ZNF322: variants seen among roughly 807,000 people sequenced by gnomAD.
The protein encoded by ZNF322 is zinc finger protein 322.
In ZNF322, 1 loss-of-function variant was observed where a neutral mutation model predicts 18.3. That is an observed-to-expected ratio of 0.05 (90% CI 0.02 to 0.26). The LOEUF is 0.26. ZNF322 is among the 10% of genes least tolerant of loss of function. ZNF322 has a pLI of 1.00. For synonymous variants in ZNF322, 17 were observed against 130.7 expected (o/e 0.13, Z 5.93); for missense variants, 36 against 403.6 (o/e 0.09, Z 7.80).
intron 2 of ZNF322, among the ~76,000 whole-genome samples, chr6:26,654,479 T>A (rs1765729752): frequency 1.3e-5 from 2 of 152,060 alleles, no homozygotes; most frequent in Admixed American, 1.3e-4. Context: ...CATCCTGATG[T>A]GTCAGAAAGT....
At chr6:26,647,850 A>T (rs1765583564) in intron 2 of ZNF322, among the ~76,000 whole-genome samples, 1 of 151,488 alleles carries the variant, frequency 6.6e-6, no homozygotes, top group Non-Finnish European at 1.5e-5. Flanking sequence ...TGAAGAGAGC[A>T]TAAAAAAATT....
At position 26,657,165 on chromosome 6, in the gene ZNF322, G is replaced by GT. The variant is rs782637256; in HGVS notation, c.-246+1392dup. Among the ~76,000 whole-genome samples, 388 of 151,976 alleles carry GT rather than the reference G, an allele frequency of 2.6e-3. 16 individuals are homozygous for GT. The highest frequency in any genetic ancestry group is 1.4e-3 in the Admixed American group (21 of 15,264). On this transcript the variant is annotated intron_variant, in intron 2 of 3. Transcript: ENST00000415922. ...CTTGGAAGGCTGAGGCAGAAGAATG[G>GT]TGTGAACCTGGGAGGCAGAGCTTGC...
intron 2 of ZNF322, among the ~76,000 whole-genome samples, chr6:26,653,393 T>C (rs1213200522): frequency 1.3e-5 from 2 of 152,160 alleles, no homozygotes; most frequent in Non-Finnish European, 2.9e-5. Flanking sequence ...AAGATTCACC[T>C]CCAATAACAT....
At chr6:26,639,476 G>A (rs553499933) in intron 3 of ZNF322, among the ~76,000 whole-genome samples, 141 of 152,146 alleles carry the variant, frequency 9.3e-4, no homozygotes, top group African/African-American at 3.2e-3. Context: ...TTTACATGGT[G>A]AAAAGTTGTA....
chr6:26,640,517 T>A (rs1765448046), intron 3 of ZNF322, among the ~76,000 whole-genome samples: 1 of 152,168 alleles, frequency 6.6e-6, no homozygotes, highest in African/African-American at 2.4e-5. Context: ...CTCATTCACA[T>A]CTTTGCTCAA....
At chr6:26,653,959 A>G (rs1765718266) in intron 2 of ZNF322, among the ~76,000 whole-genome samples, 1 of 152,056 alleles carries the variant, frequency 6.6e-6, no homozygotes, top group Non-Finnish European at 1.5e-5. Flanking sequence ...TACACAGAAG[A>G]GAAAAAAAAA....
chr6:26,655,676 C>T (rs1001707126), intron 2 of ZNF322, among the ~76,000 whole-genome samples: 2 of 152,116 alleles, frequency 1.3e-5, no homozygotes, highest in Non-Finnish European at 2.9e-5. Flanking sequence ...TCAATGATGT[C>T]GGGAAACAGA....
chr6:26,657,350 C>T lies in ZNF322; in HGVS notation c.-246+1208G>A, dbSNP rs187388994. Among the ~76,000 whole-genome samples the T allele has an allele frequency of 2.0e-3, 301 of 152,250 alleles. 1 individual carries two copies. The highest frequency in any genetic ancestry group is 2.1e-3 in the Non-Finnish European group (143 of 68,018). ...GTTTTTACTGCTCTACATAATGTGG[C>T]ACCTCTGCGTTATCTTCAGCCTCAC... On this transcript the variant is annotated intron_variant, in intron 2 of 3. Coordinates refer to ENST00000415922, the MANE Select transcript of ZNF322 (RefSeq NM_024639.5).
chr6:26,651,087 AAAAAC>A (rs1244745179), intron 2 of ZNF322, among the ~76,000 whole-genome samples: 7 of 152,180 alleles, frequency 4.6e-5, no homozygotes, highest in Admixed American at 4.6e-4. Flanking sequence ...GTAATGGTGA[AAAAAC>A]AGACAAATAG....
chr6:26,641,938 AAAG>A (rs1485239325), intron 3 of ZNF322, among the ~76,000 whole-genome samples: 2 of 152,066 alleles, frequency 1.3e-5, no homozygotes, highest in Non-Finnish European at 2.9e-5. Context: ...AGGATTAGTG[AAAG>A]AAGAAGGCCT....
At position 26,638,215 on chromosome 6, in the gene ZNF322, C is replaced by T. The variant is rs374751528; in HGVS notation, c.339G>A (p.Ala113=). 2.1e-4 allele frequency: 346 copies of T among 1,613,848 alleles called. 4 individuals carry two copies. In the South Asian group the frequency reaches 3.0e-3, roughly 14 times the overall value. The change falls in exon 4 of 4, where the codon GCG becomes GCA. Residue 113 remains alanine (A), a synonymous_variant. Transcript: ENST00000415922. Reference sequence around the variant, plus strand: ...CATGTGTTCTCTGATGTCCTGAAAGCGCTAAGTGATGCCAAAAGCTCTTCT... The same window carrying T: ...CATGTGTTCTCTGATGTCCTGAAAGTGCTAAGTGATGCCAAAAGCTCTTCT... ...KCEKSFWHHL[A]LSGHQRTHAG...
intron 2 of ZNF322, among the ~76,000 whole-genome samples, chr6:26,645,889 G>A (rs1204304588): frequency 1.3e-5 from 2 of 151,748 alleles, no homozygotes; most frequent in Non-Finnish European, 2.9e-5. Context: ...AAATTAGCCG[G>A]GTGTGGTGGC....
In ZNF322 at chr6:26,658,610, G is replaced by C. The variant is rs1554149894; in HGVS notation, c.-298C>G. 6.0e-6 allele frequency: 1 copy of C among 166,688 alleles called. No homozygotes were observed. Among genetic ancestry groups the C allele is most frequent in the East Asian group, 1.9e-4 (1 of 5,198 alleles). 10.3% of individuals were successfully genotyped at this position (166,688 alleles called of 1,614,324 possible). On this transcript the variant is annotated 5_prime_UTR_variant, in exon 2 of 4. Coordinates refer to ENST00000415922, the MANE Select transcript of ZNF322 (RefSeq NM_024639.5). ...TCCTTTTGGTTTCAAAAGGTCTCTA[G>C]TTCAGAACTATTCACAACACTCAAT...
chr6:26,640,239 A>G (rs782529783), intron 3 of ZNF322, among the ~76,000 whole-genome samples: 3 of 152,220 alleles, frequency 2.0e-5, no homozygotes, highest in Non-Finnish European at 4.4e-5. Flanking sequence ...TTTCTGGAAC[A>G]TACTCCAATT....
At chr6:26,652,122 C>T (rs1765681768) in intron 2 of ZNF322, among the ~76,000 whole-genome samples, 1 of 152,180 alleles carries the variant, frequency 6.6e-6, no homozygotes, top group Non-Finnish European at 1.5e-5. Context: ...GCGTGAGCCA[C>T]CATGCCTGTG....
chr6:26,641,644 T>C (rs1442724486), intron 3 of ZNF322, among the ~76,000 whole-genome samples: 2 of 152,204 alleles, frequency 1.3e-5, no homozygotes, highest in African/African-American at 2.4e-5. Flanking sequence ...CGCAGAAACA[T>C]GTGCAGTATT....
At chr6:26,650,018 T>C (rs566967511) in intron 2 of ZNF322, among the ~76,000 whole-genome samples, 16 of 151,974 alleles carry the variant, frequency 1.1e-4, no homozygotes, top group African/African-American at 3.9e-4. Flanking sequence ...ATTTTATATA[T>C]ATAAAAAATG....
intron 2 of ZNF322, among the ~76,000 whole-genome samples, chr6:26,654,097 A>G (rs1295919094): frequency 6.6e-6 from 1 of 152,202 alleles, no homozygotes; most frequent in Non-Finnish European, 1.5e-5. Flanking sequence ...GACCGAATAA[A>G]TAAGTAAATA....
At chr6:26,653,244 G>C (rs570093721) in intron 2 of ZNF322, among the ~76,000 whole-genome samples, 63 of 152,288 alleles carry the variant, frequency 4.1e-4, no homozygotes, top group Admixed American at 1.4e-3. Flanking sequence ...ACACTGTAAG[G>C]AAACAAACAA....
Sources: gnomAD v4.1 joint callset for allele counts (sites outside exome capture counted in the v4.1 genomes callset) on GRCh38, gnomAD v4.1.1 for gene constraint, MANE v1.5 for transcripts, NCBI Gene and HGNC (gene_info 2026-07-23, HGNC 2026-07-21) for gene names.